Variants in MILR1 observed in about 807,000 individuals in gnomAD.
The protein encoded by MILR1 is allergin-1.
A neutral mutation model predicts 18.5 loss-of-function variants in MILR1; 31 were observed. That is an observed-to-expected ratio of 1.68 (90% CI 1.26 to 2.26). The LOEUF is 2.26. MILR1 is among the 30% of genes most tolerant of loss of function. The pLI is 0.00. For missense variants in MILR1, 257 were observed against 157.4 expected (o/e 1.63, Z -3.38); for synonymous variants, 85 against 56.2 (o/e 1.51, Z -2.30).
chr17:64,467,012 TTTTCTTTCTTTCTCTTTC>T (rs1216704328), intron 8 of MILR1, among the ~76,000 whole-genome samples: 2 of 147,170 alleles, frequency 1.4e-5, no homozygotes, highest in Admixed American at 6.7e-5. Flanking sequence ...TATTTTTTCT[TTTTCTTTCTTTCTCTTTC>T]TTTCTTTCTT....
intron 3 of MILR1, among the ~76,000 whole-genome samples, chr17:64,456,046 A>G (rs1263889967): frequency 6.6e-6 from 1 of 152,072 alleles, no homozygotes; most frequent in Non-Finnish European, 1.5e-5. Flanking sequence ...GTCTCAAAAC[A>G]GAAAAGAAAG....
chr17:64,465,178 G>A (rs781878954), intron 5 of MILR1, among the ~76,000 whole-genome samples: 7 of 152,216 alleles, frequency 4.6e-5, no homozygotes, highest in Non-Finnish European at 8.8e-5. Flanking sequence ...GCGAAGGAAA[G>A]AAAATAAGTC....
At chr17:64,467,026 CTT>C (rs1476596062) in intron 8 of MILR1, among the ~76,000 whole-genome samples, 6 of 88,226 alleles carry the variant, frequency 6.8e-5, no homozygotes, top group African/African-American at 2.3e-4. Context: ...CTTTCTTTCT[CTT>C]TCTTTCTTTC....
At chr17:64,459,487 C>T (rs2037375987) in intron 4 of MILR1, among the ~76,000 whole-genome samples, 1 of 152,044 alleles carries the variant, frequency 6.6e-6, no homozygotes. Flanking sequence ...TTAGCAAAGG[C>T]ACAAGGCACA....
chr17:64,484,942 C>T, the MILR1 span, among the ~76,000 whole-genome samples: 12 of 152,152 alleles, frequency 7.9e-5, no homozygotes, highest in Admixed American at 3.9e-4. Flanking sequence ...ATTCCCCACT[C>T]GTGCCATTTA....
Position 64,457,646 on chromosome 17 carries a change from A to G in MILR1, c.614A>G (p.Tyr205Cys), listed in dbSNP as rs1246604388. 2.1e-6 allele frequency: 1 copy of G among 475,198 alleles called. No homozygotes were observed. Among genetic ancestry groups the G allele is most frequent in the Non-Finnish European group, 3.9e-6 (1 of 259,064 alleles). The allele number at this position is 475,198 out of a possible 1,614,324, so 29.4% of individuals were successfully genotyped here. ...RCEAKNRLPN[Y>C]ATYSHPVTMP... ...GAAGCTAAAAACAGATTGCCTAACT[A>G]TGCAACATACAGTCACCCTGTCACC... is the stretch of plus-strand genomic sequence containing the variant. The change falls in exon 4 of 10, where the codon TAT becomes TGT. Residue 205 changes from tyrosine to cysteine, a missense_variant. Tyr to Cys is a radical substitution (Grantham distance 194, BLOSUM62 -2). Coordinates refer to ENST00000619286, the MANE Select transcript of MILR1 (RefSeq NM_001085423.2).
chr17:64,496,999 C>A, the MILR1 span: 1 of 1,578,392 alleles, frequency 6.3e-7, no homozygotes, highest in South Asian at 1.1e-5. Flanking sequence ...CACACTCTCC[C>A]ATCACTCAAC....
At chr17:64,471,957 G>T (rs2037692327), downstream of MILR1, among the ~76,000 whole-genome samples, 1 of 152,154 alleles carries the variant, frequency 6.6e-6, no homozygotes, top group Non-Finnish European at 1.5e-5. Flanking sequence ...CATTAAAAAA[G>T]TTGGACTCCT....
chr17:64,497,118 T>A, the MILR1 span: 1 of 796,558 alleles, frequency 1.3e-6, no homozygotes, highest in South Asian at 1.5e-5. Context: ...CGGAAGCGCA[T>A]GTCTGCGTTC....
intron 4 of MILR1, 144 bp downstream of exon 4, chr17:64,457,828 A>G: frequency 2.3e-6 from 1 of 438,664 alleles, no homozygotes; most frequent in Non-Finnish European, 4.0e-6. Flanking sequence ...GAAGGATAGA[A>G]GGAAAACTAG....
chr17:64,456,955 T>A (rs1236823040), intron 3 of MILR1, among the ~76,000 whole-genome samples: 3 of 152,102 alleles, frequency 2.0e-5, no homozygotes, highest in Admixed American at 6.6e-5. Context: ...GGTGGGAGGA[T>A]CACTTGAGGC....
At chr17:64,455,318 C>T (rs1001512521) in intron 3 of MILR1, among the ~76,000 whole-genome samples, 24 of 152,256 alleles carry the variant, frequency 1.6e-4, no homozygotes, top group Admixed American at 3.3e-4. Flanking sequence ...ATAGGCACTA[C>T]GGAGTACCTA....
the MILR1 span, among the ~76,000 whole-genome samples, chr17:64,489,931 G>GT: frequency 0.01 from 1,436 of 143,268 alleles, 5 homozygotes; most frequent in African/African-American, 0.021. Context: ...TAATTTTTTT[G>GT]TTTTTTTTTT....
At chr17:64,487,371 C>G in the MILR1 span, 1 of 152,050 alleles carries the variant, frequency 6.6e-6, no homozygotes, top group Non-Finnish European at 1.5e-5. Flanking sequence ...CCCAGCACAT[C>G]GGGAGGCCAT....
chr17:64,485,923 T>C, the MILR1 span: 1 of 1,590,852 alleles, frequency 6.3e-7, no homozygotes, highest in East Asian at 2.2e-5. Context: ...TTTTGTTTGT[T>C]TGTTTTTGAG....
the MILR1 span, chr17:64,477,717 C>A: frequency 8.2e-7 from 1 of 1,214,074 alleles, no homozygotes; most frequent in Non-Finnish European, 1.1e-6. Context: ...AAAGCAAGCA[C>A]CACAAATGTC....
chr17:64,469,826 C>A (rs376429224), downstream of MILR1, among the ~76,000 whole-genome samples: 1 of 152,310 alleles, frequency 6.6e-6, no homozygotes, highest in East Asian at 1.9e-4. Flanking sequence ...TGTGGCTCAG[C>A]AATTGCCACT....
At chr17:64,485,810 T>C in the MILR1 span, 1 of 1,613,438 alleles carries the variant, frequency 6.2e-7, no homozygotes, top group Non-Finnish European at 8.5e-7. Flanking sequence ...CATGCCTCGG[T>C]CTAGGTCCCC....
chr17:64,479,715 TG>T, the MILR1 span, among the ~76,000 whole-genome samples: 3 of 152,038 alleles, frequency 2.0e-5, no homozygotes, highest in Admixed American at 6.6e-5. Context: ...GACTCTAACT[TG>T]GGTAGTGGCA....
Sources: allele counts gnomAD v4.1 joint callset (sites outside exome capture counted in the v4.1 genomes callset), GRCh38; gene constraint gnomAD v4.1.1; transcripts MANE v1.5; gene names NCBI Gene and HGNC (gene_info 2026-07-23, HGNC 2026-07-21).